LSM14A: variants seen among roughly 807,000 people sequenced by gnomAD.
LSM14A encodes the protein protein LSM14 homolog A.
In LSM14A, 14 loss-of-function variants were observed where a neutral mutation model predicts 52.4. The ratio of observed to expected loss-of-function variants is 0.27; its 90% confidence interval spans 0.18 to 0.42. The LOEUF (loss-of-function observed/expected upper bound fraction) is 0.42, where lower values mean the gene tolerates loss of function less well. Among genes scored for constraint, LSM14A ranks in the 10% least tolerant of loss-of-function variants. The pLI is 1.00. For missense variants in LSM14A, 417 were observed against 581.8 expected (o/e 0.72, Z 2.91); for synonymous variants, 185 against 200.3 (o/e 0.92, Z 0.64).
At chr19:34,196,844 C>T in intron 3 of LSM14A, 81 bp downstream of exon 3, 1 of 1,136,502 alleles carries the variant, frequency 8.8e-7, no homozygotes, top group Non-Finnish European at 1.2e-6. Flanking sequence ...TCAACACCAA[C>T]TATTAGAAAT....
chr19:34,227,467 A>C lies in LSM14A; in HGVS notation c.*79A>C. Reference sequence around the variant, plus strand: ...ACATTGATTTCAGTCTTTGCAAAGAATGAAGAAGTGAATTCGCTGTACATT... The same window carrying C: ...ACATTGATTTCAGTCTTTGCAAAGACTGAAGAAGTGAATTCGCTGTACATT... On this transcript the variant is annotated 3_prime_UTR_variant, in exon 10 of 10. Coordinates refer to ENST00000544216, the MANE Select transcript of LSM14A (RefSeq NM_015578.4). 1.8e-6 allele frequency: 2 copies of C among 1,111,868 alleles called. No homozygotes were observed. The highest frequency in any genetic ancestry group is 2.6e-6 in the Non-Finnish European group (2 of 775,218). The allele number at this position is 1,111,868 out of a possible 1,614,324, so 68.9% of individuals were successfully genotyped here.
At chr19:34,225,003 G>A (rs956289122) in intron 9 of LSM14A, among the ~76,000 whole-genome samples, 1 of 152,070 alleles carries the variant, frequency 6.6e-6, no homozygotes, top group Non-Finnish European at 1.5e-5. Flanking sequence ...GTGGCTATCT[G>A]CTTTCTTTGG....
chr19:34,210,904 A>G (rs62102137), intron 4 of LSM14A, among the ~76,000 whole-genome samples: 52,452 of 152,000 alleles, frequency 0.35, 9,473 homozygotes, highest in African/African-American at 0.38. Context: ...TCAGGAACAC[A>G]TGAAAAAGAA....
At chr19:34,181,651 C>T (rs1002280099) in intron 1 of LSM14A, among the ~76,000 whole-genome samples, 13 of 152,116 alleles carry the variant, frequency 8.5e-5, no homozygotes, top group Admixed American at 8.5e-4. Flanking sequence ...ACCTGTAAGC[C>T]GCCAAATGTT....
rs2070867024 is a variant in LSM14A at position 34,196,744 on chromosome 19, G to A, written c.396G>A (p.Gln132=). Residue 132 remains glutamine (Q), a synonymous_variant, in exon 3 of 10, where the codon CAG becomes CAA. Coordinates refer to ENST00000544216, the MANE Select transcript of LSM14A (RefSeq NM_015578.4). ...QFSPSSLVGQ[Q]FGAVGVAGSS... ...GTCCGAGTTCCTTAGTTGGGCAGCAGTTTGGTGCTGTTGGTGTTGGTATGT... is the reference window on the plus strand; with the variant it reads ...GTCCGAGTTCCTTAGTTGGGCAGCAATTTGGTGCTGTTGGTGTTGGTATGT... 6.2e-7 allele frequency: 1 copy of A among 1,607,334 alleles called. No homozygotes were observed. The highest frequency in any genetic ancestry group is 1.3e-5 in the African/African-American group (1 of 74,516).
At chr19:34,202,234 C>A (rs1274307525) in intron 3 of LSM14A, among the ~76,000 whole-genome samples, 3 of 146,178 alleles carry the variant, frequency 2.1e-5, no homozygotes, top group African/African-American at 7.6e-5. Context: ...GCCTGGAGTA[C>A]AAAGACGTTA....
At chr19:34,197,823 G>C (rs1173161214) in intron 3 of LSM14A, among the ~76,000 whole-genome samples, 1 of 152,154 alleles carries the variant, frequency 6.6e-6, no homozygotes, top group African/African-American at 2.4e-5. Flanking sequence ...AGGGCTTGGT[G>C]TTTTGTTTCT....
chr19:34,194,651 G>C lies in LSM14A; in HGVS notation c.285+10G>C. 6.2e-7 allele frequency: 1 copy of C among 1,614,038 alleles called. No homozygotes were observed. The highest frequency in any genetic ancestry group is 1.1e-5 in the South Asian group (1 of 91,086). ...CCCAGCTATTGTTCAGGTAACTGATGGTAAATTTGTCTTGGAGTACAGGTA... is the reference window on the plus strand; with the variant it reads ...CCCAGCTATTGTTCAGGTAACTGATCGTAAATTTGTCTTGGAGTACAGGTA... On this transcript the variant is annotated intron_variant, in intron 2 of 9. Transcript: ENST00000544216.
intron 6 of LSM14A, among the ~76,000 whole-genome samples, chr19:34,215,927 G>C (rs2072551776): frequency 6.6e-6 from 1 of 152,116 alleles, no homozygotes; most frequent in Admixed American, 6.5e-5. Flanking sequence ...GGTGACATCT[G>C]AGCAAGGTCT....
intron 3 of LSM14A, among the ~76,000 whole-genome samples, chr19:34,200,672 A>G (rs1438246864): frequency 3.3e-5 from 5 of 152,204 alleles, no homozygotes; most frequent in Non-Finnish European, 7.3e-5. Context: ...GACATTTTTC[A>G]TAATTAAAAA....
At chr19:34,203,863 T>A (rs2071490380) in intron 3 of LSM14A, among the ~76,000 whole-genome samples, 1 of 143,996 alleles carries the variant, frequency 6.9e-6, no homozygotes. Context: ...GTGAAGGAAT[T>A]AAACATTCCA....
chr19:34,177,600 A>G (rs910993945), intron 1 of LSM14A, among the ~76,000 whole-genome samples: 1 of 152,232 alleles, frequency 6.6e-6, no homozygotes, highest in African/African-American at 2.4e-5. Flanking sequence ...TATTAAAAAC[A>G]TCCCGGCTGG....
chr19:34,175,443 G>A (rs2069016893), intron 1 of LSM14A, among the ~76,000 whole-genome samples: 1 of 152,056 alleles, frequency 6.6e-6, no homozygotes, highest in African/African-American at 2.4e-5. Context: ...TATTGGCCAG[G>A]CTGGTCTTGA....
chr19:34,192,567 T>C (rs138767249), intron 1 of LSM14A, among the ~76,000 whole-genome samples: 1 of 132,924 alleles, frequency 7.5e-6, no homozygotes, highest in African/African-American at 2.8e-5. Context: ...TGACCTCAAG[T>C]GATCTGCCCA....
chr19:34,226,343 C>T, intron 9 of LSM14A: 2 of 1,437,822 alleles, frequency 1.4e-6, no homozygotes, highest in Non-Finnish European at 1.8e-6. Context: ...TTCATTTTCT[C>T]CTTTCTCCCT....
chr19:34,184,296 A>G (rs781056966), intron 1 of LSM14A, among the ~76,000 whole-genome samples: 7 of 152,012 alleles, frequency 4.6e-5, no homozygotes, highest in Non-Finnish European at 1.0e-4. Context: ...CAGGTGATCC[A>G]CCTGCCTCGG....
Position 34,219,500 on chromosome 19 carries a change from C to T in LSM14A, c.891C>T (p.Asp297=). The change falls in exon 7 of 10, where the codon GAC becomes GAT. Residue 297 remains aspartate (D), a synonymous_variant. Coordinates refer to ENST00000544216, the MANE Select transcript of LSM14A (RefSeq NM_015578.4). ...DGPMKFEKDF[D]FESANAQFNK... ...CAATGAAATTTGAGAAAGACTTTGA[C>T]TTTGAAAGTGCAAATGCACAATTCA... 1 of 1,613,940 alleles carries T rather than the reference C, an allele frequency of 6.2e-7. No individual in the cohort carries two copies. The highest frequency in any genetic ancestry group is 8.5e-7 in the Non-Finnish European group (1 of 1,179,926).
chr19:34,219,459 A>G lies in LSM14A; in HGVS notation c.850A>G (p.Ile284Val). Residue 284 changes from isoleucine (I) to valine (V), a missense_variant, in exon 7 of 10, where the codon ATT becomes GTT. Coordinates refer to ENST00000544216, the MANE Select transcript of LSM14A (RefSeq NM_015578.4). The part of the protein sequence containing the change: ...GHRGGRGRFG[I>V]RRDGPMKFEK... ...TCGGGGTGGCAGGGGAAGATTTGGT[A>G]TTCGGCGAGATGGGCCAATGAAATT... is the stretch of plus-strand genomic sequence containing the variant. 6.2e-7 allele frequency: 1 copy of G among 1,614,104 alleles called. No homozygotes were observed.
chr19:34,217,619 G>GTTTTT (rs34613927), intron 6 of LSM14A, among the ~76,000 whole-genome samples: 1 of 13,768 alleles, frequency 7.3e-5, no homozygotes, highest in Non-Finnish European at 1.2e-4. Context: ...CCCCCCCCGT[G>GTTTTT]TTTTTTTTTT....
Sources: allele counts gnomAD v4.1 joint callset (sites outside exome capture counted in the v4.1 genomes callset), GRCh38; gene constraint gnomAD v4.1.1; transcripts MANE v1.5; gene names NCBI Gene and HGNC (gene_info 2026-07-23, HGNC 2026-07-21).